Variants in NHSL2 observed in about 807,000 individuals in gnomAD.
The protein encoded by NHSL2 is NHS-like protein 2.
NHSL2 carries 27 observed loss-of-function variants against 53.4 expected under a neutral mutation model. The observed-to-expected ratio is 0.51, with a 90% confidence interval of 0.37 to 0.70. The LOEUF (loss-of-function observed/expected upper bound fraction) is 0.70, where lower values mean the gene tolerates loss of function less well. NHSL2 is among the 30% of genes least tolerant of loss of function. The pLI is 0.00. For synonymous variants in NHSL2, 408 were observed against 404.1 expected (o/e 1.01, Z -0.12); for missense variants, 892 against 980.1 (o/e 0.91, Z 1.20).
intron 1 of NHSL2, among the ~76,000 whole-genome samples, chrX:71,980,560 GGTGTGTGGGGTGTGT>G (rs1366428366): frequency 0.028 from 2,817 of 99,451 alleles, 94 homozygotes; most frequent in African/African-American, 0.1. Flanking sequence ...GTGTGTGTGG[GGTGTGTGGGGTGTGT>G]GTGTGTGTGT....
At chrX:72,122,598 G>T (rs753988202) in intron 1 of NHSL2, among the ~76,000 whole-genome samples, 1 of 112,358 alleles carries the variant, frequency 8.9e-6, no homozygotes, top group South Asian at 3.7e-4. Context: ...CACAGCAAGG[G>T]AGTGGCAGAG....
At chrX:72,073,275 G>A (rs1328630811) in intron 1 of NHSL2, among the ~76,000 whole-genome samples, 1 of 110,409 alleles carries the variant, frequency 9.1e-6, no homozygotes, top group Non-Finnish European at 1.9e-5. Context: ...GGGCGGGGGG[G>A]AGCGGGGCAG....
intron 2 of NHSL2, among the ~76,000 whole-genome samples, chrX:72,132,783 A>G (rs1234030767): frequency 8.9e-6 from 1 of 111,967 alleles, no homozygotes; most frequent in Non-Finnish European, 1.9e-5. Flanking sequence ...AAAGAATCAC[A>G]TCTTGCTACC....
At chrX:72,016,982 C>A (rs2042138505) in intron 1 of NHSL2, among the ~76,000 whole-genome samples, 1 of 111,405 alleles carries the variant, frequency 9.0e-6, no homozygotes, top group Admixed American at 9.4e-5. Context: ...CCAGGAGAGC[C>A]CAGGGTGACA....
At chrX:71,986,501 T>G (rs182489316) in intron 1 of NHSL2, among the ~76,000 whole-genome samples, 33 of 112,364 alleles carry the variant, frequency 2.9e-4, no homozygotes, top group African/African-American at 1.1e-3. Context: ...TCCCTGCCAT[T>G]TATCCAAAGT....
rs1410536025 is a variant in NHSL2 at position 72,140,329 on chromosome X, A to G, written c.2781A>G (p.Pro927=). Reference sequence around the variant, plus strand: ...ACAGCTACACGGTAGTGCGGAAACCAAAGCCCTCCAGCTTCCCAGATGGCA... The same window carrying G: ...ACAGCTACACGGTAGTGCGGAAACCGAAGCCCTCCAGCTTCCCAGATGGCA... ...PQDSYTVVRK[P]KPSSFPDGRS... Residue 927 remains proline (P), a synonymous_variant, in exon 6 of 8, where the codon CCA becomes CCG. Transcript: ENST00000633930. 5.8e-6 allele frequency: 7 copies of G among 1,211,059 alleles called. No homozygotes were observed. The highest frequency in any genetic ancestry group is 7.8e-6 in the Non-Finnish European group (7 of 895,020).
At chrX:71,990,216 C>G (rs2147875766) in intron 1 of NHSL2, among the ~76,000 whole-genome samples, 1 of 111,745 alleles carries the variant, frequency 8.9e-6, no homozygotes, top group East Asian at 2.8e-4. Flanking sequence ...TGGGATTTCC[C>G]CAGGGGTCAC....
chrX:72,076,360 G>T (rs2041743526), intron 1 of NHSL2, among the ~76,000 whole-genome samples: 1 of 111,630 alleles, frequency 9.0e-6, no homozygotes, highest in Non-Finnish European at 1.9e-5. Flanking sequence ...TTTAGTAAAG[G>T]TGAGGTGTGT....
At chrX:71,927,135 C>G (rs964246537) in intron 1 of NHSL2, among the ~76,000 whole-genome samples, 7 of 112,056 alleles carry the variant, frequency 6.2e-5, no homozygotes, top group Non-Finnish European at 1.1e-4. Flanking sequence ...AATACGCGAG[C>G]AAGCCTTCTC....
intron 1 of NHSL2, chrX:72,128,962 C>T (rs11550742): frequency 0.031 from 3,569 of 113,529 alleles, 66 homozygotes; most frequent in Non-Finnish European, 0.048. Flanking sequence ...TTCTCCTCTC[C>T]GGAACCCTAA....
intron 1 of NHSL2, among the ~76,000 whole-genome samples, chrX:71,999,302 A>G (rs944287710): frequency 2.7e-5 from 3 of 112,536 alleles, no homozygotes; most frequent in African/African-American, 9.7e-5. Flanking sequence ...CCCCAGCACT[A>G]GCCCCTAGAG....
At chrX:72,021,050 C>T (rs1025143644) in intron 1 of NHSL2, among the ~76,000 whole-genome samples, 20 of 100,601 alleles carry the variant, frequency 2.0e-4, no homozygotes, top group African/African-American at 8.6e-4. Context: ...CACACACACA[C>T]GCGTGCGCAT....
chrX:71,946,893 ACTTCCTT>A (rs2041795225), intron 1 of NHSL2, among the ~76,000 whole-genome samples: 1 of 111,919 alleles, frequency 8.9e-6, no homozygotes, highest in Non-Finnish European at 1.9e-5. Flanking sequence ...TGGGACTAGT[ACTTCCTT>A]CTGCTGCCAG....
At chrX:71,962,731 A>G (rs1364907142) in intron 1 of NHSL2, among the ~76,000 whole-genome samples, 4 of 105,794 alleles carry the variant, frequency 3.8e-5, no homozygotes, top group Non-Finnish European at 7.7e-5. Context: ...TTGGGCTTAG[A>G]CAGTCTTGTT....
At chrX:71,978,949 TC>T (rs1405527741) in intron 1 of NHSL2, among the ~76,000 whole-genome samples, 1 of 86,468 alleles carries the variant, frequency 1.2e-5, no homozygotes, top group Non-Finnish European at 2.2e-5. Context: ...GTGTGATGTT[TC>T]CCTTCCTGTG....
intron 1 of NHSL2, among the ~76,000 whole-genome samples, chrX:71,959,793 G>A (rs952249192): frequency 1.8e-5 from 2 of 112,259 alleles, no homozygotes; most frequent in South Asian, 7.4e-4. Flanking sequence ...GTTGTAAGAT[G>A]TATCAATATA....
chrX:72,091,453 C>CA (rs763099839), intron 1 of NHSL2, among the ~76,000 whole-genome samples: 19,094 of 99,670 alleles, frequency 0.19, 1,680 homozygotes, highest in East Asian at 0.47. Flanking sequence ...GACTCCGTCT[C>CA]AAAAAAAAAA....
At chrX:72,003,572 A>G (rs1383470930) in intron 1 of NHSL2, among the ~76,000 whole-genome samples, 1 of 111,366 alleles carries the variant, frequency 9.0e-6, no homozygotes, top group Non-Finnish European at 1.9e-5. Context: ...CTTCAGGCCC[A>G]AGTTTACTTC....
intron 1 of NHSL2, among the ~76,000 whole-genome samples, chrX:72,063,023 T>C (rs1265193313): frequency 3.6e-5 from 4 of 110,765 alleles, no homozygotes; most frequent in Non-Finnish European, 7.6e-5. Context: ...TCATAGAGCC[T>C]CCCGCCAGCA....
Sources: allele counts gnomAD v4.1 joint callset (sites outside exome capture counted in the v4.1 genomes callset), GRCh38; gene constraint gnomAD v4.1.1; transcripts MANE v1.5; gene names NCBI Gene and HGNC (gene_info 2026-07-23, HGNC 2026-07-21).